The following DGAT1 variants were observed in gnomAD, a reference collection of about 807,000 sequenced individuals.
The protein encoded by DGAT1 is ACAT related gene product 1.
Under a neutral mutation model 72.6 loss-of-function variants are expected in DGAT1, and 60 were observed. That is an observed-to-expected ratio of 0.83 (90% CI 0.67 to 1.02). The LOEUF (loss-of-function observed/expected upper bound fraction) is 1.02, where lower values mean the gene tolerates loss of function less well. Among genes scored for constraint, DGAT1 ranks in the 50% least tolerant of loss-of-function variants. The pLI is 0.00. For missense variants in DGAT1, 592 were observed against 670.0 expected, an observed-to-expected ratio of 0.88 and a Z score of 1.29; for synonymous variants, 290 against 267.5, an observed-to-expected ratio of 1.08 and a Z score of -0.82.
chr8:144,324,636 T>C (rs1316245946), intron 1 of DGAT1, among the ~76,000 whole-genome samples: 1 of 152,128 alleles, frequency 6.6e-6, no homozygotes, highest in African/African-American at 2.4e-5. Context: ...CCACGAGCTC[T>C]GCACCCATCC....
Position 144,315,748 on chromosome 8 carries a change from G to A in DGAT1, c.*806C>T, listed in dbSNP as rs973534655. 80 of 915,194 alleles carry A rather than the reference G, an allele frequency of 8.7e-5. No homozygotes were observed. The highest frequency in any genetic ancestry group is 1.0e-4 in the South Asian group (2 of 19,906). 56.7% of individuals were successfully genotyped at this position (915,194 alleles called of 1,614,324 possible). On this transcript the variant is annotated 3_prime_UTR_variant, in exon 17 of 17. Transcript: ENST00000528718. ...TGGGGATCAGGGGTGCCCCAACCTC[G>A]TGGAGGGCAGCTGAGAGCCACCAGC...
Position 144,316,495 on chromosome 8 carries a change from A to T in DGAT1, c.*59T>A. 1 of 1,517,232 alleles carries T rather than the reference A, an allele frequency of 6.6e-7. No individual in the cohort carries two copies. The highest frequency in any genetic ancestry group is 8.9e-7 in the Non-Finnish European group (1 of 1,129,226). 94.0% of individuals were successfully genotyped at this position (1,517,232 alleles called of 1,614,324 possible). On this transcript the variant is annotated 3_prime_UTR_variant, in exon 17 of 17. Transcript: ENST00000528718. ...CCCAGCACTCGAGGCCTAGGAGGAG[A>T]GGTGGGCTCTGGCAGCGGGTGTGAG...
At chr8:144,324,488 A>G (rs1471615798) in intron 1 of DGAT1, among the ~76,000 whole-genome samples, 2 of 152,116 alleles carry the variant, frequency 1.3e-5, no homozygotes, top group Admixed American at 6.5e-5. Flanking sequence ...CATAGCCTGC[A>G]AGTCCTGGAG....
chr8:144,322,619 T>C (rs1161795375), intron 1 of DGAT1, among the ~76,000 whole-genome samples: 2 of 152,104 alleles, frequency 1.3e-5, no homozygotes, highest in Non-Finnish European at 2.9e-5. Context: ...AAGACCAAGG[T>C]TGGTGCAACA....
rs781889826 is a variant in DGAT1 at position 144,318,408 on chromosome 8, G to A, written c.575-46C>T. ...GGCCTCCACAGCGCCACAGCCGGAG[G>A]CCATGCCCGTGGCTGGCCCGAGACA... On this transcript the variant is annotated intron_variant, in intron 6 of 16. Coordinates refer to ENST00000528718, the MANE Select transcript of DGAT1 (RefSeq NM_012079.6). The A allele has an allele frequency of 6.2e-6, 10 of 1,609,330 alleles. No individual in the cohort carries two copies. The Admixed American group carries it at 1.5e-4, about 24-fold the overall frequency.
In DGAT1 at chr8:144,317,728, C is replaced by G. The variant is rs376345760; in HGVS notation, c.895-16G>C. The G allele has an allele frequency of 2.5e-6, 4 of 1,613,758 alleles. No individual in the cohort carries two copies. The highest frequency in any genetic ancestry group is 3.4e-6 in the Non-Finnish European group (4 of 1,179,944). ...GGACCATCCACTGCAAAGGAGGGCA[C>G]CACGTCAGCTCCCAGCCATGCCCAG... On this transcript the variant is annotated splice_polypyrimidine_tract_variant and intron_variant, in intron 10 of 16. Transcript: ENST00000528718.
intron 14 of DGAT1, 22 bp downstream of exon 14, chr8:144,317,165 C>G (rs782633555): frequency 6.2e-7 from 1 of 1,606,762 alleles, no homozygotes; most frequent in South Asian, 1.1e-5. Flanking sequence ...TTCCACATCA[C>G]ACACACACAC....
At position 144,316,267 on chromosome 8, in the gene DGAT1, C is replaced by T; in HGVS notation, c.*287G>A. 1.5e-5 allele frequency: 6 copies of T among 409,038 alleles called. No individual in the cohort carries two copies. The highest frequency in any genetic ancestry group is 2.7e-5 in the Non-Finnish European group (6 of 225,890). 25.3% of individuals were successfully genotyped at this position (409,038 alleles called of 1,614,324 possible). ...TGTGGCCATACCCCCCACCAGGCCC[C>T]AGGCCCCTGGCAGGCTGAAGAGGTC... On this transcript the variant is annotated 3_prime_UTR_variant, in exon 17 of 17. Transcript: ENST00000528718.
In DGAT1 at chr8:144,316,301, G is replaced by A. The variant is rs967714179; in HGVS notation, c.*253C>T. The A allele has an allele frequency of 1.9e-6, 1 of 527,638 alleles. No individual in the cohort carries two copies. Among genetic ancestry groups the A allele is most frequent in the Admixed American group, 3.4e-5 (1 of 29,478 alleles). The allele number at this position is 527,638 out of a possible 1,614,324, so 32.7% of individuals were successfully genotyped here. On this transcript the variant is annotated 3_prime_UTR_variant, in exon 17 of 17. Transcript: ENST00000528718. ...GGCAGGCTGAAGAGGTCACTGGACA[G>A]CACTTTATTGACACCCTCGGACCCG... is the stretch of plus-strand genomic sequence containing the variant.
rs781870073 is a variant in DGAT1, at chr8:144,318,031, G to C, written c.752-14C>G. 1.5e-5 allele frequency: 23 copies of C among 1,516,564 alleles called. No homozygotes were observed. The highest frequency in any genetic ancestry group is 1.9e-5 in the Non-Finnish European group (22 of 1,133,816). 93.9% of individuals were successfully genotyped at this position (1,516,564 alleles called of 1,614,324 possible). A position where few individuals can be genotyped will look rare whatever the true frequency, so the allele number is the denominator to read the frequency against. On this transcript the variant is annotated splice_polypyrimidine_tract_variant and intron_variant, in intron 8 of 16. Transcript: ENST00000528718. ...AGTAGTAGAGATCTGGAATGGGAAT[G>C]GGGGGTTGGTACCAGAACAGGCCCA... is the stretch of plus-strand genomic sequence containing the variant.
chr8:144,319,280 C>T (rs1817373967), intron 2 of DGAT1, among the ~76,000 whole-genome samples: 1 of 152,196 alleles, frequency 6.6e-6, no homozygotes, highest in Non-Finnish European at 1.5e-5. Context: ...GGAAGTCCCT[C>T]CCTGTCCCCA....
In DGAT1 at chr8:144,315,617, G is replaced by T; in HGVS notation, c.*937C>A. 6 of 985,404 alleles carry T rather than the reference G, an allele frequency of 6.1e-6. No individual in the cohort carries two copies. The highest frequency in any genetic ancestry group is 7.2e-6 in the Non-Finnish European group (6 of 829,856). 61.0% of individuals were successfully genotyped at this position (985,404 alleles called of 1,614,324 possible). A position where few individuals can be genotyped will look rare whatever the true frequency, so the allele number is the denominator to read the frequency against. On this transcript the variant is annotated 3_prime_UTR_variant, in exon 17 of 17. Coordinates refer to ENST00000528718, the MANE Select transcript of DGAT1 (RefSeq NM_012079.6). ...CATCAAGGGGGGCCCCATCTATCCA[G>T]CTTGGTGGATTGCAGGGCCTGGGAA...
chr8:144,319,170 A>T, intron 2 of DGAT1, 102 bp from the exon 3 acceptor site: 1 of 1,409,564 alleles, frequency 7.1e-7, no homozygotes, highest in Non-Finnish European at 9.8e-7. Context: ...GCCCGAGCTC[A>T]GGGCGGCAGC....
Position 144,314,858 on chromosome 8 carries a change from T to A in DGAT1, c.*1696A>T, listed in dbSNP as rs1428481132. 8.2e-6 allele frequency: 8 copies of A among 975,564 alleles called. No homozygotes were observed. Among genetic ancestry groups the A allele is most frequent in the Non-Finnish European group, 9.8e-6 (8 of 819,744 alleles). 60.4% of individuals were successfully genotyped at this position (975,564 alleles called of 1,614,324 possible). On this transcript the variant is annotated 3_prime_UTR_variant, in exon 17 of 17. Coordinates refer to ENST00000528718, the MANE Select transcript of DGAT1 (RefSeq NM_012079.6). Reference sequence around the variant, plus strand: ...GGATGCTTGCAGCTAGCTCCGTGCCTGCCCGACTCCCCAGGACCAGCATGT... The same window carrying A: ...GGATGCTTGCAGCTAGCTCCGTGCCAGCCCGACTCCCCAGGACCAGCATGT...
At chr8:144,317,858 T>C in intron 9 of DGAT1, 36 bp from the exon 10 acceptor site, 1 of 1,595,788 alleles carries the variant, frequency 6.3e-7, no homozygotes, top group Non-Finnish European at 8.5e-7. Flanking sequence ...GCTGAGGCCC[T>C]GGCTAGCCAG....
chr8:144,318,489 C>T lies in DGAT1; in HGVS notation c.546G>A (p.Val182=), dbSNP rs782578807. The change falls in exon 6 of 17, where the codon GTG becomes GTA. Residue 182 remains valine, a synonymous_variant. Coordinates refer to ENST00000528718, the MANE Select transcript of DGAT1 (RefSeq NM_012079.6). ...GAGTGATAGACTCAACCAGTAAGAC[C>T]ACAGCCGCTGGGAAACACAGAATGG... ...LATILCFPAA[V]VLLVESITPV... 2 of 1,611,578 alleles carry T rather than the reference C, an allele frequency of 1.2e-6. No homozygotes were observed. The highest frequency in any genetic ancestry group is 2.2e-5 in the South Asian group (2 of 91,028).
Position 144,317,898 on chromosome 8 carries a change from C to T in DGAT1, c.855+16G>A, listed in dbSNP as rs1554847429. 6.5e-7 allele frequency: 1 copy of T among 1,539,724 alleles called. No homozygotes were observed. The highest frequency in any genetic ancestry group is 2.0e-5 in the Admixed American group (1 of 49,214). On this transcript the variant is annotated intron_variant, in intron 9 of 16. Coordinates refer to ENST00000528718, the MANE Select transcript of DGAT1 (RefSeq NM_012079.6). ...CCCCCTAGCCTCCAGTGGCTGCCCC[C>T]AGCCCCCAACCTCACCATCTCAAGG...
chr8:144,323,892 T>G (rs1352301451), intron 1 of DGAT1, among the ~76,000 whole-genome samples: 1 of 152,254 alleles, frequency 6.6e-6, no homozygotes, highest in Non-Finnish European at 1.5e-5. Flanking sequence ...CTCTGCTCAC[T>G]GCCGCCTCCT....
intron 15 of DGAT1, 42 bp from the exon 16 acceptor site, chr8:144,316,957 A>G (rs782328686): frequency 6.2e-7 from 1 of 1,612,214 alleles, no homozygotes; most frequent in East Asian, 2.2e-5. Flanking sequence ...GTGGGGTGTC[A>G]GCCGTCCCTG....
Sources: allele counts gnomAD v4.1 joint callset (sites outside exome capture counted in the v4.1 genomes callset), GRCh38; gene constraint gnomAD v4.1.1; transcripts MANE v1.5; gene names NCBI Gene and HGNC (gene_info 2026-07-23, HGNC 2026-07-21).